Variants in COL22A1 observed in about 807,000 individuals in gnomAD.
COL22A1 encodes the protein collagen alpha-1(XXII) chain.
In COL22A1, 221 loss-of-function variants were observed where a neutral mutation model predicts 248.9. The ratio of observed to expected loss-of-function variants is 0.89; its 90% CI spans 0.80 to 0.99. The LOEUF is 0.99. Ranked by LOEUF, COL22A1 falls within the 50% of genes least tolerant of loss-of-function variation. COL22A1 has a pLI of 0.00. For missense variants in COL22A1, 2,240 were observed against 2,179.0 expected (o/e 1.03, Z -0.56); for synonymous variants, 891 against 793.4 (o/e 1.12, Z -2.07).
At chr8:138,860,582 C>T (rs10104373) in intron 3 of COL22A1, among the ~76,000 whole-genome samples, 81,497 of 152,044 alleles carry the variant, frequency 0.54, 22,774 homozygotes, top group East Asian at 0.71. Flanking sequence ...CCAAGGCGAG[C>T]AAATTGCTTG....
intron 47 of COL22A1, among the ~76,000 whole-genome samples, chr8:138,644,410 A>G (rs1822015580): frequency 6.6e-6 from 1 of 152,264 alleles, no homozygotes; most frequent in South Asian, 2.1e-4. Context: ...CGTAAGGGCT[A>G]AAAAAGCTAA....
intron 1 of COL22A1, among the ~76,000 whole-genome samples, chr8:138,897,708 T>C (rs1814222747): frequency 6.6e-6 from 1 of 152,062 alleles, no homozygotes; most frequent in Non-Finnish European, 1.5e-5. Context: ...AATTGATGAA[T>C]GATTTCCCTT....
intron 14 of COL22A1, among the ~76,000 whole-genome samples, chr8:138,778,784 A>T (rs1586724136): frequency 1.3e-5 from 2 of 152,172 alleles, no homozygotes; most frequent in East Asian, 3.9e-4. Context: ...CTTCTGAAAC[A>T]TTACAACTGA....
chr8:138,653,172 T>C (rs1414082731), intron 45 of COL22A1, among the ~76,000 whole-genome samples: 1 of 152,134 alleles, frequency 6.6e-6, no homozygotes, highest in African/African-American at 2.4e-5. Flanking sequence ...ATAACAGTCA[T>C]TGCTTCCCAG....
intron 32 of COL22A1, among the ~76,000 whole-genome samples, chr8:138,698,681 C>T (rs1201907037): frequency 1.3e-5 from 2 of 150,668 alleles, no homozygotes; most frequent in Non-Finnish European, 3.0e-5. Flanking sequence ...TGAGTACCTG[C>T]CATGCAGGTG....
intron 3 of COL22A1, among the ~76,000 whole-genome samples, chr8:138,853,097 C>T (rs1425359669): frequency 1.3e-5 from 2 of 152,054 alleles, no homozygotes; most frequent in East Asian, 3.9e-4. Flanking sequence ...ATCACTTGAA[C>T]CCAGAAGGGA....
intron 18 of COL22A1, among the ~76,000 whole-genome samples, chr8:138,758,413 T>C (rs1833200021): frequency 6.6e-6 from 1 of 152,170 alleles, no homozygotes. Context: ...CAGCGGTAGG[T>C]AACTAGTGCA....
intron 59 of COL22A1, among the ~76,000 whole-genome samples, chr8:138,603,430 G>T (rs1818191738): frequency 6.6e-6 from 1 of 152,186 alleles, no homozygotes; most frequent in Admixed American, 6.5e-5. Flanking sequence ...GAAGAGTGAG[G>T]ACCAAGCCTT....
chr8:138,896,652 T>C (rs948938385), intron 1 of COL22A1, among the ~76,000 whole-genome samples: 11 of 152,144 alleles, frequency 7.2e-5, no homozygotes, highest in African/African-American at 2.7e-4. Context: ...GCACACAATA[T>C]AGAGCAAAGT....
chr8:138,755,307 T>C, intron 20 of COL22A1, 97 bp from the exon 21 acceptor site: 2 of 1,401,574 alleles, frequency 1.4e-6, no homozygotes, highest in South Asian at 1.2e-5. Context: ...CAAAGTTTAC[T>C]TTCCAAGTTC....
intron 32 of COL22A1, among the ~76,000 whole-genome samples, chr8:138,698,079 T>A (rs1405964236): frequency 6.6e-6 from 1 of 152,182 alleles, no homozygotes; most frequent in East Asian, 1.9e-4. Context: ...ACAGAGCAAT[T>A]CCTTTAAGGA....
intron 36 of COL22A1, 76 bp downstream of exon 36, chr8:138,690,745 G>C (rs556719539): frequency 1.8e-5 from 21 of 1,186,684 alleles, no homozygotes; most frequent in Non-Finnish European, 2.4e-5. Context: ...TGTATCCTAC[G>C]CCTCTGGCTT....
At chr8:138,791,433 A>T (rs1485697893) in intron 12 of COL22A1, among the ~76,000 whole-genome samples, 1 of 152,200 alleles carries the variant, frequency 6.6e-6, no homozygotes, top group Admixed American at 6.5e-5. Context: ...AGAACAGCGT[A>T]ACTCCAGTGC....
chr8:138,638,376 G>A (rs995076051), intron 47 of COL22A1, among the ~76,000 whole-genome samples: 1 of 152,020 alleles, frequency 6.6e-6, no homozygotes, highest in Non-Finnish European at 1.5e-5. Flanking sequence ...TCCACTCTCT[G>A]GTCTCAGTTT....
At chr8:138,719,283 C>T (rs959704043) in intron 27 of COL22A1, among the ~76,000 whole-genome samples, 2 of 152,048 alleles carry the variant, frequency 1.3e-5, no homozygotes, top group Non-Finnish European at 2.9e-5. Context: ...TACATGACAT[C>T]ACATTTCAAT....
chr8:138,715,568 TTAAAAAAAAAAAA>T, intron 30 of COL22A1, 101 bp downstream of exon 30: 2 of 431,706 alleles, frequency 4.6e-6, no homozygotes, highest in Non-Finnish European at 7.7e-6. Context: ...GACTCTCATT[TTAAAAAAAAAAAA>T]AAAAAAAAAA....
At chr8:138,773,447 G>A (rs902483151) in intron 16 of COL22A1, among the ~76,000 whole-genome samples, 5 of 152,200 alleles carry the variant, frequency 3.3e-5, no homozygotes, top group Non-Finnish European at 5.9e-5. Flanking sequence ...TTGGAGTGGG[G>A]GGTCCCACAC....
intron 56 of COL22A1, among the ~76,000 whole-genome samples, chr8:138,609,524 A>C (rs967682721): frequency 3.3e-5 from 5 of 152,160 alleles, no homozygotes; most frequent in African/African-American, 1.2e-4. Flanking sequence ...GTCTAAAATC[A>C]GAGCAGCCAG....
intron 41 of COL22A1, among the ~76,000 whole-genome samples, chr8:138,664,209 G>GCGCGCACACACACA (rs1440442280): frequency 9.7e-6 from 1 of 103,158 alleles, no homozygotes; most frequent in South Asian, 4.3e-4. Flanking sequence ...GCGCGCGCGC[G>GCGCGCACACACACA]CACACACACA....
Sources: allele counts gnomAD v4.1 joint callset (sites outside exome capture counted in the v4.1 genomes callset), GRCh38; gene constraint gnomAD v4.1.1; transcripts MANE v1.5; gene names NCBI Gene and HGNC (gene_info 2026-07-23, HGNC 2026-07-21).